The following IQCM variants were observed in gnomAD, a reference collection of about 807,000 sequenced individuals.
IQCM encodes IQ motif containing M, also known as IQ domain-containing protein M.
Under a neutral mutation model 57.6 loss-of-function variants are expected in IQCM, and 45 were observed. That is an observed-to-expected ratio of 0.78 (90% confidence interval 0.62 to 1.00). The LOEUF (loss-of-function observed/expected upper bound fraction) is 1.00, where lower values mean the gene tolerates loss of function less well. IQCM is among the 50% of genes least tolerant of loss of function. The probability of loss-of-function intolerance (pLI) is 0.00; values close to 1 mark genes in which losing one functional copy is unlikely to be tolerated. For synonymous variants in IQCM, 148 were observed against 158.9 expected, an observed-to-expected ratio of 0.93 and a Z score of 0.51; for missense variants, 468 against 511.6, an observed-to-expected ratio of 0.91 and a Z score of 0.82.
At chr4:149,627,342 AT>A (rs1756902430) in intron 7 of IQCM, among the ~76,000 whole-genome samples, 1 of 152,014 alleles carries the variant, frequency 6.6e-6, no homozygotes, top group South Asian at 2.1e-4. Flanking sequence ...ATAGAACTAG[AT>A]TTTTCTCAGG....
chr4:149,592,243 TA>T (rs1753261754), intron 8 of IQCM, among the ~76,000 whole-genome samples: 1 of 152,220 alleles, frequency 6.6e-6, no homozygotes, highest in Admixed American at 6.5e-5. Context: ...GTTGGCTGCA[TA>T]AATGTCTTCT....
intron 13 of IQCM, among the ~76,000 whole-genome samples, chr4:149,386,778 T>C (rs1287170453): frequency 6.6e-6 from 1 of 152,038 alleles, no homozygotes; most frequent in African/African-American, 2.4e-5. Flanking sequence ...AGGTGTTCTA[T>C]AGAATGTCCT....
chr4:149,451,188 G>A (rs777694230), intron 12 of IQCM, among the ~76,000 whole-genome samples: 8 of 151,808 alleles, frequency 5.3e-5, no homozygotes, highest in Middle Eastern at 3.4e-3. Flanking sequence ...CAGAGGCTGC[G>A]AAGGGAAGGG....
At chr4:149,467,040 T>C (rs938728094) in intron 12 of IQCM, among the ~76,000 whole-genome samples, 2 of 152,188 alleles carry the variant, frequency 1.3e-5, no homozygotes, top group African/African-American at 2.4e-5. Flanking sequence ...TTTGCATATA[T>C]GAATTTCTTT....
intron 7 of IQCM, among the ~76,000 whole-genome samples, chr4:149,655,148 A>G (rs886816678): frequency 4.6e-5 from 7 of 152,156 alleles, no homozygotes; most frequent in Admixed American, 1.3e-4. Context: ...ATTATTTCAA[A>G]TAAGAAATAC....
intron 13 of IQCM, among the ~76,000 whole-genome samples, chr4:149,406,555 G>T (rs1276797361): frequency 2.0e-5 from 3 of 152,046 alleles, no homozygotes; most frequent in South Asian, 4.1e-4. Context: ...GAGGCAAGGG[G>T]TTACAGGTCC....
At position 149,450,928 on chromosome 4, in the gene IQCM, G is replaced by C. The variant is rs142777192; in HGVS notation, c.1229-17371C>G. On this transcript the variant is annotated intron_variant, in intron 12 of 13. Coordinates refer to ENST00000636793, the MANE Select transcript of IQCM (RefSeq NM_001363507.2). ...TATCCACACTTTCATGTTTGTTGCA[G>C]CACTGTTCACAATAGCCAAAATTTG... is the stretch of plus-strand genomic sequence containing the variant. Among the ~76,000 whole-genome samples, 1,066 of 151,952 alleles carry C rather than the reference G, an allele frequency of 7.0e-3. 15 individuals are homozygous for C. Among genetic ancestry groups the C allele is most frequent in the African/African-American group, 0.025 (1,023 of 41,524 alleles).
intron 9 of IQCM, among the ~76,000 whole-genome samples, chr4:149,566,257 T>C (rs1353534406): frequency 6.6e-6 from 1 of 152,118 alleles, no homozygotes; most frequent in African/African-American, 2.4e-5. Flanking sequence ...TTTTCTCATT[T>C]CTCTCAGAGG....
chr4:149,775,164 A>G (rs1770972605), intron 2 of IQCM, among the ~76,000 whole-genome samples: 1 of 152,066 alleles, frequency 6.6e-6, no homozygotes, highest in African/African-American at 2.4e-5. Flanking sequence ...CCTAAATTCA[A>G]GGTTTCTAGG....
chr4:149,461,041 C>A (rs543433552), intron 12 of IQCM, among the ~76,000 whole-genome samples: 2 of 152,064 alleles, frequency 1.3e-5, no homozygotes, highest in South Asian at 2.1e-4. Context: ...TCGAGACCAG[C>A]CTGACAGACA....
intron 6 of IQCM, among the ~76,000 whole-genome samples, chr4:149,685,083 GA>G (rs1762455600): frequency 1.3e-5 from 2 of 151,442 alleles, no homozygotes; most frequent in African/African-American, 4.8e-5. Context: ...ACTCTCTTAA[GA>G]AAGACATTAT....
At chr4:149,737,687 T>C (rs1479478266) in intron 3 of IQCM, 1 of 152,148 alleles carries the variant, frequency 6.6e-6, no homozygotes, top group African/African-American at 2.4e-5. Flanking sequence ...AGAAGCACTG[T>C]CCTCACACGG....
chr4:149,665,087 C>T (rs1327032598), intron 7 of IQCM, among the ~76,000 whole-genome samples: 1 of 152,148 alleles, frequency 6.6e-6, no homozygotes, highest in Non-Finnish European at 1.5e-5. Context: ...GGTGGAACAA[C>T]TGTAGGGCCT....
At chr4:149,393,461 T>C (rs1377303657) in intron 13 of IQCM, among the ~76,000 whole-genome samples, 1 of 151,676 alleles carries the variant, frequency 6.6e-6, no homozygotes, top group African/African-American at 2.4e-5. Context: ...TTAAAAAGAA[T>C]ATAATGGAAA....
chr4:149,545,531 A>G (rs1175852359), intron 12 of IQCM, among the ~76,000 whole-genome samples: 3 of 152,126 alleles, frequency 2.0e-5, no homozygotes, highest in African/African-American at 7.2e-5. Context: ...TAAAAAGACA[A>G]GAGATAGCAG....
intron 7 of IQCM, among the ~76,000 whole-genome samples, chr4:149,677,855 A>G (rs561062876): frequency 6.6e-5 from 10 of 152,074 alleles, no homozygotes; most frequent in South Asian, 4.1e-4. Flanking sequence ...TTTAAATTAA[A>G]CAGAAATCTA....
intron 7 of IQCM, among the ~76,000 whole-genome samples, chr4:149,626,430 A>AAACCTTT (rs368164851): frequency 7.1e-6 from 1 of 141,342 alleles, no homozygotes; most frequent in African/African-American, 2.6e-5. Flanking sequence ...AAGACATACT[A>AAACCTTT]TTTTGCTATC....
chr4:149,694,223 T>C (rs1763152233), intron 5 of IQCM, among the ~76,000 whole-genome samples: 1 of 136,964 alleles, frequency 7.3e-6, no homozygotes, highest in South Asian at 2.5e-4. Context: ...AATTTCTTTT[T>C]TTTTTTTTTT....
chr4:149,459,501 T>C (rs1738046697), intron 12 of IQCM, among the ~76,000 whole-genome samples: 1 of 152,182 alleles, frequency 6.6e-6, no homozygotes, highest in South Asian at 2.1e-4. Context: ...AGTTGAGTGG[T>C]ATTAAATGCA....
Sources: allele counts gnomAD v4.1 joint callset (sites outside exome capture counted in the v4.1 genomes callset), GRCh38; gene constraint gnomAD v4.1.1; transcripts MANE v1.5; gene names NCBI Gene and HGNC (gene_info 2026-07-23, HGNC 2026-07-21).